SGO2: variants seen among roughly 807,000 people sequenced by gnomAD.
SGO2 encodes the protein shugoshin-like 2.
In SGO2, 68 loss-of-function variants were observed where a neutral mutation model predicts 99.5. That is an observed-to-expected ratio of 0.68 (90% CI 0.56 to 0.84). The LOEUF (loss-of-function observed/expected upper bound fraction) is 0.84. Ranked by LOEUF, SGO2 falls within the 40% of genes least tolerant of loss-of-function variation. The pLI, the probability that SGO2 is intolerant of heterozygous loss-of-function variation, is 0.00. For synonymous variants in SGO2, 457 were observed against 487.1 expected, an observed-to-expected ratio of 0.94 and a Z score of 0.81; for missense variants, 1,350 against 1,436.7, an observed-to-expected ratio of 0.94 and a Z score of 0.97.
intron 5 of SGO2, among the ~76,000 whole-genome samples, chr2:200,553,333 C>A (rs1254840030): frequency 6.6e-6 from 1 of 152,082 alleles, no homozygotes; most frequent in Non-Finnish European, 1.5e-5. Context: ...TTGTTGAAAC[C>A]AAGCTAATAG....
At position 200,572,242 on chromosome 2, in the gene SGO2, TA is replaced by T; in HGVS notation, c.1898del (p.Asn633MetfsTer9). ...CTGGAATGAACCACATGTATGAGGATAATGATAAAGATGTGGTGCATGGCCT... is the reference window on the plus strand; with the variant it reads ...CTGGAATGAACCACATGTATGAGGATATGATAAAGATGTGGTGCATGGCCT... ...ISGMNHMYEDNDKDVVHGLKK... is the reference protein window; with the variant it reads ...ISGMNHMYEDXDKDVVHGLKK... On this transcript the variant is annotated frameshift_variant, in exon 7 of 9. Coordinates refer to ENST00000357799, the MANE Select transcript of SGO2 (RefSeq NM_152524.6). LOFTEE classifies it high-confidence loss of function. 6.2e-7 allele frequency: 1 copy of T among 1,612,742 alleles called. No homozygotes were observed. The highest frequency in any genetic ancestry group is 8.5e-7 in the Non-Finnish European group (1 of 1,179,500).
At chr2:200,554,030 C>T (rs1188135021) in intron 5 of SGO2, among the ~76,000 whole-genome samples, 1 of 152,142 alleles carries the variant, frequency 6.6e-6, no homozygotes, top group Non-Finnish European at 1.5e-5. Flanking sequence ...GTAAAATAAC[C>T]AGTTTTTCCA....
chr2:200,555,606 T>C (rs1574857507), intron 5 of SGO2, among the ~76,000 whole-genome samples: 2 of 152,096 alleles, frequency 1.3e-5, no homozygotes, highest in African/African-American at 4.8e-5. Context: ...TAGTGGGAGG[T>C]AAGGACATTT....
At chr2:200,557,181 A>C (rs2032752814) in intron 5 of SGO2, among the ~76,000 whole-genome samples, 1 of 152,196 alleles carries the variant, frequency 6.6e-6, no homozygotes, top group Non-Finnish European at 1.5e-5. Flanking sequence ...CGTAGCCAAG[A>C]GGGACTTTAC....
Position 200,541,073 on chromosome 2 carries a change from C to T in SGO2, c.388-1506C>T, listed in dbSNP as rs1327091079. 1.3e-5 allele frequency among the ~76,000 whole-genome samples: 2 copies of T among 152,174 alleles called. 1 individual carries two copies. Among genetic ancestry groups the T allele is most frequent in the African/African-American group, 4.8e-5 (2 of 41,442 alleles). ...GCAAGACAGAAAAGGAGACCAGACT[C>T]CTGTAACCCACTCCTGCAATAACAG... is the stretch of plus-strand genomic sequence containing the variant. On this transcript the variant is annotated intron_variant, in intron 4 of 8. Transcript: ENST00000357799.
intron 5 of SGO2, among the ~76,000 whole-genome samples, chr2:200,561,217 C>G (rs980830271): frequency 6.6e-5 from 10 of 152,136 alleles, no homozygotes; most frequent in Non-Finnish European, 1.5e-5. Flanking sequence ...ACGACAGGCC[C>G]TGGTGTGTGA....
chr2:200,551,694 A>T (rs1291495253), intron 5 of SGO2, among the ~76,000 whole-genome samples: 6 of 149,850 alleles, frequency 4.0e-5, no homozygotes, highest in African/African-American at 7.3e-5. Context: ...AAGGGTCATA[A>T]TTTTTTTTTT....
In SGO2 at chr2:200,571,509, A is replaced by T. The variant is rs1461714758; in HGVS notation, c.1163A>T (p.Lys388Ile). ...ACAGGCATTAAAAAGAAAAGTAATA[A>T]AAAAACAAATGAACATGGAATGAAA... ...VSTGIKKKSN[K>I]KTNEHGMKTF... is the part of the protein sequence containing the mutation. Residue 388 changes from lysine (K) to isoleucine (I), a missense_variant, in exon 7 of 9, where the codon AAA (lysine) becomes ATA (isoleucine). Transcript: ENST00000357799. The T allele has an allele frequency of 5.0e-6, 8 of 1,611,434 alleles. No individual in the cohort carries two copies. The highest frequency in any genetic ancestry group is 5.9e-6 in the Non-Finnish European group (7 of 1,179,346).
At position 200,583,784 on chromosome 2, in the gene SGO2, C is replaced by T. The variant is rs560638474; in HGVS notation, c.*320C>T. The T allele has an allele frequency of 5.6e-6, 1 of 179,564 alleles. No homozygotes were observed. Among genetic ancestry groups the T allele is most frequent in the East Asian group, 1.4e-4 (1 of 6,980 alleles). The allele number at this position is 179,564 out of a possible 1,614,324, so 11.1% of individuals were successfully genotyped here. A position where few individuals can be genotyped will look rare whatever the true frequency, so the allele number is the denominator to read the frequency against. Reference sequence around the variant, plus strand: ...CCAAATAAAATGTGTTAATAAATACCTTTGCATTGGTTATCTTGTATACTA... The same window carrying T: ...CCAAATAAAATGTGTTAATAAATACTTTTGCATTGGTTATCTTGTATACTA... On this transcript the variant is annotated 3_prime_UTR_variant, in exon 9 of 9. Coordinates refer to ENST00000357799, the MANE Select transcript of SGO2 (RefSeq NM_152524.6).
chr2:200,527,238 C>T (rs1290511789), intron 1 of SGO2, among the ~76,000 whole-genome samples: 1 of 152,114 alleles, frequency 6.6e-6, no homozygotes, highest in Non-Finnish European at 1.5e-5. Context: ...TTGACAGTGT[C>T]GTTTATTAAA....
chr2:200,553,525 C>T (rs2032582796), intron 5 of SGO2, among the ~76,000 whole-genome samples: 1 of 152,118 alleles, frequency 6.6e-6, no homozygotes, highest in Non-Finnish European at 1.5e-5. Context: ...GACTAGAATC[C>T]AATAACAGGT....
chr2:200,536,745 T>C (rs757465535), intron 4 of SGO2, among the ~76,000 whole-genome samples: 10 of 152,136 alleles, frequency 6.6e-5, no homozygotes, highest in Non-Finnish European at 1.0e-4. Context: ...AACTTTTGCA[T>C]ACCAAGCTTT....
chr2:200,541,895 T>TGCTAATACTGTACTATTACA (rs1335986574), intron 4 of SGO2, among the ~76,000 whole-genome samples: 185 of 152,376 alleles, frequency 1.2e-3, no homozygotes, highest in African/African-American at 4.3e-3. Flanking sequence ...TTGATCTATT[T>TGCTAATACTGTACTATTACA]GTCTTATCAT....
intron 4 of SGO2, among the ~76,000 whole-genome samples, chr2:200,537,334 TCC>T (rs2031737946): frequency 3.3e-5 from 5 of 152,102 alleles, no homozygotes; most frequent in African/African-American, 1.2e-4. Flanking sequence ...TTCACCTACT[TCC>T]CCGCTACTAT....
At position 200,575,429 on chromosome 2, in the gene SGO2, TC is replaced by T. The variant is rs2033622351; in HGVS notation, c.3752del (p.Pro1251LeufsTer13). The stretch of plus-strand genomic sequence containing the variant: ...GGACAAGCAGAAGAAGAAGGTGTAC[TC>T]CTTTCTATTTTAAAGAGCCAAGCCT... ...ERTSRRRRCT[P>X]FYFKEPSLRD... On this transcript the variant is annotated frameshift_variant, in exon 8 of 9. Coordinates refer to ENST00000357799, the MANE Select transcript of SGO2 (RefSeq NM_152524.6). LOFTEE classifies it high-confidence loss of function. The T allele has an allele frequency of 1.3e-6, 2 of 1,596,932 alleles. No individual in the cohort carries two copies. Among genetic ancestry groups the T allele is most frequent in the South Asian group, 2.3e-5 (2 of 88,556 alleles).
intron 1 of SGO2, among the ~76,000 whole-genome samples, chr2:200,527,388 G>T (rs951637832): frequency 1.3e-5 from 2 of 152,200 alleles, no homozygotes; most frequent in Non-Finnish European, 2.9e-5. Context: ...CCTTTCAGGT[G>T]TGTGAGATGC....
intron 4 of SGO2, among the ~76,000 whole-genome samples, chr2:200,537,379 T>C (rs1414735143): frequency 6.6e-6 from 1 of 152,132 alleles, no homozygotes; most frequent in South Asian, 2.1e-4. Context: ...CAGCAAAGCT[T>C]TTTGAGAGAT....
Position 200,583,487 on chromosome 2 carries a change from T to C in SGO2, c.*23T>C. 6.3e-7 allele frequency: 1 copy of C among 1,583,176 alleles called. No individual in the cohort carries two copies. The highest frequency in any genetic ancestry group is 1.4e-5 in the African/African-American group (1 of 73,848). ...TGAAGTGAATTTATGGATTCTGGTTTTTCTGAATTTTCAAAGCATAAGGAA... is the reference window on the plus strand; with the variant it reads ...TGAAGTGAATTTATGGATTCTGGTTCTTCTGAATTTTCAAAGCATAAGGAA... On this transcript the variant is annotated 3_prime_UTR_variant, in exon 9 of 9. Coordinates refer to ENST00000357799, the MANE Select transcript of SGO2 (RefSeq NM_152524.6).
At chr2:200,530,571 C>T (rs972907500) in intron 1 of SGO2, among the ~76,000 whole-genome samples, 16 of 151,894 alleles carry the variant, frequency 1.1e-4, no homozygotes, top group African/African-American at 3.9e-4. Flanking sequence ...ATGAAATCAC[C>T]AAAGAAGGGA....
Sources: allele counts gnomAD v4.1 joint callset (sites outside exome capture counted in the v4.1 genomes callset), GRCh38; gene constraint gnomAD v4.1.1; transcripts MANE v1.5; gene names NCBI Gene and HGNC (gene_info 2026-07-23, HGNC 2026-07-21).